The following JAZF1 variants were observed in gnomAD, a reference collection of about 807,000 sequenced individuals.
The protein encoded by JAZF1 is juxtaposed with another zinc finger protein 1.
Under a neutral mutation model 26.4 loss-of-function variants are expected in JAZF1, and 8 were observed. That is an observed-to-expected ratio of 0.30 (90% CI 0.18 to 0.55). JAZF1 has a LOEUF of 0.55. JAZF1 is among the 20% of genes least tolerant of loss of function. The pLI, the probability that JAZF1 is intolerant of heterozygous loss-of-function variation, is 0.94. For synonymous variants in JAZF1, 126 were observed against 122.3 expected (o/e 1.03, Z -0.20); for missense variants, 199 against 322.0 (o/e 0.62, Z 2.92).
At chr7:27,852,593 T>G (rs1485747520) in intron 3 of JAZF1, among the ~76,000 whole-genome samples, 2 of 152,214 alleles carry the variant, frequency 1.3e-5, no homozygotes, top group Non-Finnish European at 2.9e-5. Context: ...AACACAGTGT[T>G]GGCCAGTCTT....
chr7:27,868,535 C>T (rs1007943783), intron 3 of JAZF1, among the ~76,000 whole-genome samples: 3 of 152,204 alleles, frequency 2.0e-5, no homozygotes, highest in Non-Finnish European at 4.4e-5. Context: ...CCCAGCTGCC[C>T]TGCCCCAGCC....
chr7:27,837,025 A>T (rs943635715), intron 4 of JAZF1, among the ~76,000 whole-genome samples: 1 of 152,134 alleles, frequency 6.6e-6, no homozygotes, highest in African/African-American at 2.4e-5. Flanking sequence ...CTCATCATTA[A>T]ATGTTTCTCA....
At chr7:27,852,316 T>C (rs1783166402) in intron 3 of JAZF1, among the ~76,000 whole-genome samples, 1 of 151,936 alleles carries the variant, frequency 6.6e-6, no homozygotes, top group African/African-American at 2.4e-5. Context: ...GTATTTTTAG[T>C]AGAGATGGGG....
chr7:27,986,370 C>G (rs970460291), intron 2 of JAZF1, among the ~76,000 whole-genome samples: 1 of 152,108 alleles, frequency 6.6e-6, no homozygotes, highest in Non-Finnish European at 1.5e-5. Context: ...ACAATTGCTT[C>G]AAAGAGAATA....
intron 1 of JAZF1, among the ~76,000 whole-genome samples, chr7:28,164,406 A>C (rs1335281583): frequency 4.6e-5 from 7 of 152,192 alleles, no homozygotes; most frequent in Non-Finnish European, 1.0e-4. Flanking sequence ...CTTGAACTTC[A>C]TTGACTGCAT....
At chr7:27,844,492 T>A (rs1443043275) in intron 3 of JAZF1, 1 of 152,220 alleles carries the variant, frequency 6.6e-6, no homozygotes, top group Non-Finnish European at 1.5e-5. Flanking sequence ...GCAAAGCTGC[T>A]TCTCCTAGCA....
chr7:28,017,930 C>T (rs540434638), intron 1 of JAZF1, among the ~76,000 whole-genome samples: 2 of 152,262 alleles, frequency 1.3e-5, no homozygotes, highest in South Asian at 2.1e-4. Flanking sequence ...CCTGCCACCA[C>T]GTCTGGCTAA....
At chr7:28,085,900 T>C (rs1048991473) in intron 1 of JAZF1, among the ~76,000 whole-genome samples, 5 of 152,354 alleles carry the variant, frequency 3.3e-5, no homozygotes, top group African/African-American at 1.2e-4. Context: ...ACACCTGCTG[T>C]GGTCAGTTTT....
chr7:28,178,212 C>A (rs1489372736), intron 1 of JAZF1, among the ~76,000 whole-genome samples: 1 of 152,040 alleles, frequency 6.6e-6, no homozygotes, highest in Admixed American at 6.6e-5. Context: ...AAACTCTTAA[C>A]CTTCTTTAAA....
At chr7:28,135,780 A>G (rs1429140320) in intron 1 of JAZF1, among the ~76,000 whole-genome samples, 1 of 152,190 alleles carries the variant, frequency 6.6e-6, no homozygotes, top group African/African-American at 2.4e-5. Context: ...CAAGAACAAA[A>G]TACTTATAAA....
At chr7:27,980,388 A>G (rs895368526) in intron 2 of JAZF1, among the ~76,000 whole-genome samples, 1 of 152,134 alleles carries the variant, frequency 6.6e-6, no homozygotes, top group Non-Finnish European at 1.5e-5. Flanking sequence ...TTTTTTTCCT[A>G]CCTGTAAATA....
chr7:27,847,704 G>C (rs1013512785), intron 3 of JAZF1, among the ~76,000 whole-genome samples: 1 of 152,130 alleles, frequency 6.6e-6, no homozygotes, highest in African/African-American at 2.4e-5. Flanking sequence ...GTCTTGCACT[G>C]TCGCCCAGGC....
rs1782894810 is a variant in JAZF1 at position 27,840,167 on chromosome 7, C to CT, written c.555+530dup. On this transcript the variant is annotated intron_variant, in intron 4 of 4. Coordinates refer to ENST00000283928, the MANE Select transcript of JAZF1 (RefSeq NM_175061.4). This position sits in a 1 kb window ranked among gnomAD's most constrained non-coding sequence, Gnocchi z 5.1. ...GTTTGGTGAGAAAAATATCAAAGGC[C>CT]TTTTTTCTCCTGATCCCCTTTCATG... Among the ~76,000 whole-genome samples the CT allele has an allele frequency of 6.6e-6, 1 of 152,120 alleles. No homozygotes were observed. The highest frequency in any genetic ancestry group is 1.5e-5 in the Non-Finnish European group (1 of 68,012).
chr7:28,168,102 G>A (rs1184239334), intron 1 of JAZF1, among the ~76,000 whole-genome samples: 1 of 152,112 alleles, frequency 6.6e-6, no homozygotes, highest in African/African-American at 2.4e-5. Context: ...ATGAGTTTCG[G>A]CCGGGCGCAG....
intron 3 of JAZF1, among the ~76,000 whole-genome samples, chr7:27,862,995 C>T (rs372396379): frequency 9.9e-5 from 15 of 152,112 alleles, no homozygotes; most frequent in African/African-American, 1.9e-4. Flanking sequence ...TTGTGGGGCC[C>T]GATGGTCCCA....
At chr7:27,878,182 G>A (rs1037668458) in intron 3 of JAZF1, among the ~76,000 whole-genome samples, 1 of 152,148 alleles carries the variant, frequency 6.6e-6, no homozygotes, top group Non-Finnish European at 1.5e-5. Context: ...TGGCTGGAAT[G>A]TGACTGAGAG....
At chr7:27,885,477 C>T (rs1168340742) in intron 3 of JAZF1, among the ~76,000 whole-genome samples, 1 of 152,224 alleles carries the variant, frequency 6.6e-6, no homozygotes, top group Non-Finnish European at 1.5e-5. Context: ...TTAATAACAA[C>T]AGTGTCATTT....
intron 3 of JAZF1, among the ~76,000 whole-genome samples, chr7:27,854,522 G>A (rs1347595640): frequency 6.6e-6 from 1 of 152,104 alleles, no homozygotes; most frequent in Non-Finnish European, 1.5e-5. Context: ...TTTCCTTCCT[G>A]TATTTAGTGC....
chr7:27,916,835 G>A (rs1046584251), intron 2 of JAZF1, among the ~76,000 whole-genome samples: 7 of 152,324 alleles, frequency 4.6e-5, no homozygotes, highest in East Asian at 3.9e-4. Flanking sequence ...AAATCCCACC[G>A]CTCTGTCCAT....
Sources: gnomAD v4.1 joint callset for allele counts (sites outside exome capture counted in the v4.1 genomes callset) on GRCh38, gnomAD v4.1.1 for gene constraint, Gnocchi (gnomAD v3.1) non-coding constraint, MANE v1.5 for transcripts, NCBI Gene and HGNC (gene_info 2026-07-23, HGNC 2026-07-21) for gene names.